HGS: variants seen among roughly 807,000 people sequenced by gnomAD.
HGS encodes the protein human growth factor-regulated tyrosine kinase substrate.
HGS carries 63 observed loss-of-function variants against 109.7 expected under a neutral mutation model. The observed-to-expected ratio is 0.57, with a 90% CI of 0.47 to 0.71. HGS has a LOEUF of 0.71. HGS is among the 30% of genes least tolerant of loss of function. The probability of loss-of-function intolerance (pLI) is 0.00; values close to 1 mark genes in which losing one functional copy is unlikely to be tolerated. For missense variants in HGS, 995 were observed against 1,068.3 expected (o/e 0.93, Z 0.96); for synonymous variants, 546 against 437.3 (o/e 1.25, Z -3.10).
intron 21 of HGS, 176 bp downstream of exon 21, chr17:81,701,307 A>T: frequency 1.3e-6 from 1 of 787,858 alleles, no homozygotes; most frequent in Non-Finnish European, 2.0e-6. Flanking sequence ...CTCAGGGCAG[A>T]TACGCGCATC....
chr17:81,695,359 C>T (rs2037129442), intron 14 of HGS, 136 bp downstream of exon 14: 3 of 831,640 alleles, frequency 3.6e-6, no homozygotes, highest in Non-Finnish European at 5.7e-6. Flanking sequence ...CCAGCCCTGG[C>T]CTGCCCTGCC....
At position 81,693,909 on chromosome 17, in the gene HGS, C is replaced by G. The variant is rs1302254864; in HGVS notation, c.880C>G (p.Pro294Ala). Reference sequence around the variant, plus strand: ...GTACACTTCGTACCCCAAGGCGGAGCCCATGCCCTCGGCCTCCTCAGCGCC... The same window carrying G: ...GTACACTTCGTACCCCAAGGCGGAGGCCATGCCCTCGGCCTCCTCAGCGCC... ...STYTSYPKAE[P>A]MPSASSAPPA... The change falls in exon 11 of 22, where the codon CCC (proline) becomes GCC (alanine). Residue 294 changes from proline to alanine, a missense_variant. This residue lies in a region of HGS where 300 missense variants were observed against 235.4 expected (regional missense o/e 1.27). Transcript: ENST00000329138. 2 of 1,611,704 alleles carry G rather than the reference C, an allele frequency of 1.2e-6. No homozygotes were observed. Among genetic ancestry groups the G allele is most frequent in the Middle Eastern group, 1.7e-4 (1 of 6,054 alleles).
chr17:81,684,155 C>T lies in HGS; in HGVS notation c.37+52C>T, dbSNP rs867309375. 5 of 1,441,212 alleles carry T rather than the reference C, an allele frequency of 3.5e-6. No individual in the cohort carries two copies. In the Middle Eastern group the frequency reaches 9.6e-4, roughly 277 times the overall value. The allele number at this position is 1,441,212 out of a possible 1,614,324, so 89.3% of individuals were successfully genotyped here. A position where few individuals can be genotyped will look rare whatever the true frequency, so the allele number is the denominator to read the frequency against. ...GCCTTGGTCAGCCCGCAGCCTCCGCCCGGCGCTGAGTCAGCGCGGCCCCGA... is the reference window on the plus strand; with the variant it reads ...GCCTTGGTCAGCCCGCAGCCTCCGCTCGGCGCTGAGTCAGCGCGGCCCCGA... On this transcript the variant is annotated intron_variant, in intron 1 of 21. Transcript: ENST00000329138.
chr17:81,691,943 G>C lies in HGS; in HGVS notation c.662+372G>C, dbSNP rs1182791404. 5.1e-6 allele frequency: 1 copy of C among 194,348 alleles called. No individual in the cohort carries two copies. Among genetic ancestry groups the C allele is most frequent in the Admixed American group, 5.3e-5 (1 of 18,718 alleles). The allele number at this position is 194,348 out of a possible 1,614,324, so 12.0% of individuals were successfully genotyped here. A position where few individuals can be genotyped will look rare whatever the true frequency, so the allele number is the denominator to read the frequency against. On this transcript the variant is annotated intron_variant, in intron 8 of 21. Transcript: ENST00000329138. The surrounding 1 kb of genome is among the most constrained non-coding windows in gnomAD (Gnocchi z 5.3). Reference sequence around the variant, plus strand: ...GTGCCTCAGCGGTGGGAACCTGCGGGGCCGCGGCCGGTGCCTCGGCGGTCG... The same window carrying C: ...GTGCCTCAGCGGTGGGAACCTGCGGCGCCGCGGCCGGTGCCTCGGCGGTCG...
rs756909575 is a variant in HGS at position 81,693,933 on chromosome 17, C to G, written c.904C>G (p.Pro302Ala). Residue 302 changes from proline (P) to alanine (A), a missense_variant, in exon 11 of 22, where the codon CCC becomes GCC. Physicochemically the swap from Pro to Ala is conservative, Grantham distance 27. This residue lies in a region of HGS where 300 missense variants were observed against 235.4 expected (regional missense o/e 1.27). Coordinates refer to ENST00000329138, the MANE Select transcript of HGS (RefSeq NM_004712.5). The part of the protein sequence containing the change: ...AEPMPSASSA[P>A]PASSLYSSPV... ...GCCCATGCCCTCGGCCTCCTCAGCG[C>G]CCCCCGCCAGCAGCCTGTACTCTTC... The G allele has an allele frequency of 1.2e-6, 2 of 1,610,908 alleles. No individual in the cohort carries two copies. The highest frequency in any genetic ancestry group is 2.7e-5 in the African/African-American group (2 of 74,896).
chr17:81,700,699 T>G lies in HGS; in HGVS notation c.2021T>G (p.Val674Gly). Reference sequence around the variant, plus strand: ...TGGCACTCATTCCCTCCGCAGAACGTGGCCTCCCAGGCCCCACAGAGCCTC... The same window carrying G: ...TGGCACTCATTCCCTCCGCAGAACGGGGCCTCCCAGGCCCCACAGAGCCTC... Reference protein sequence around the residue: ...QPTPTAGYQNVASQAPQSLPA... With the variant: ...QPTPTAGYQNGASQAPQSLPA... Residue 674 changes from valine (V) to glycine (G), a missense_variant, in exon 20 of 22, where the codon GTG becomes GGG. By Grantham distance (109) the Val-to-Gly change is moderately radical. Coordinates refer to ENST00000329138, the MANE Select transcript of HGS (RefSeq NM_004712.5). The G allele has an allele frequency of 6.2e-7, 1 of 1,607,450 alleles. No individual in the cohort carries two copies. Among genetic ancestry groups the G allele is most frequent in the Non-Finnish European group, 8.5e-7 (1 of 1,177,596 alleles).
chr17:81,700,104 C>T (rs1397143264), intron 18 of HGS, among the ~76,000 whole-genome samples: 1 of 151,466 alleles, frequency 6.6e-6, no homozygotes, highest in Non-Finnish European at 1.5e-5. Context: ...CGGTGGCTCA[C>T]GCCTGTAATC....
chr17:81,688,609 G>T, intron 4 of HGS, 95 bp from the exon 5 acceptor site: 1 of 1,492,364 alleles, frequency 6.7e-7, no homozygotes, highest in Non-Finnish European at 9.1e-7. Flanking sequence ...AGCCCCATCT[G>T]CTCAGAGGCT....
intron 2 of HGS, among the ~76,000 whole-genome samples, chr17:81,685,983 T>G (rs1437256187): frequency 6.6e-6 from 1 of 152,146 alleles, no homozygotes; most frequent in African/African-American, 2.4e-5. Context: ...CAGGCTGAAG[T>G]GCAGTGGCGT....
Position 81,688,603 on chromosome 17 carries a change from C to T in HGS, c.292-101C>T, listed in dbSNP as rs561329942. 22 of 1,446,148 alleles carry T rather than the reference C, an allele frequency of 1.5e-5. No homozygotes were observed. The African/African-American group carries it at 1.5e-4, about 10-fold the overall frequency. The allele number at this position is 1,446,148 out of a possible 1,614,324, so 89.6% of individuals were successfully genotyped here. A position where few individuals can be genotyped will look rare whatever the true frequency, so the allele number is the denominator to read the frequency against. ...GCCCTCCCTGGCCTCTGTGTCAGCC[C>T]CATCTGCTCAGAGGCTGAGGTCTGC... is the stretch of plus-strand genomic sequence containing the variant. On this transcript the variant is annotated intron_variant, in intron 4 of 21. Coordinates refer to ENST00000329138, the MANE Select transcript of HGS (RefSeq NM_004712.5).
In HGS at chr17:81,690,187, G is replaced by T. The variant is rs748852834; in HGVS notation, c.421G>T (p.Val141Phe). ...CTATGGCTTCATCTCTCCAGGGCAC[G>T]TCTTTCCAGAATTCAAAGAGAGCGA... ...TYQIMKVEGH[V>F]FPEFKESDAM... is the part of the protein sequence containing the mutation. Residue 141 changes from valine to phenylalanine, a missense_variant, in exon 6 of 22, where the codon GTC becomes TTC. By Grantham distance (50) the Val-to-Phe change is conservative. This residue lies in a region of HGS where 182 missense variants were observed against 261.3 expected (regional missense o/e 0.70). Coordinates refer to ENST00000329138, the MANE Select transcript of HGS (RefSeq NM_004712.5). The T allele has an allele frequency of 1.2e-6, 2 of 1,613,670 alleles. No individual in the cohort carries two copies. The highest frequency in any genetic ancestry group is 1.3e-5 in the African/African-American group (1 of 74,926).
intron 5 of HGS, among the ~76,000 whole-genome samples, chr17:81,689,915 C>T (rs1046894965): frequency 6.6e-6 from 1 of 152,218 alleles, no homozygotes; most frequent in African/African-American, 2.4e-5. Context: ...GGCGGGGCCA[C>T]GCAGGGGCCT....
chr17:81,688,145 T>C (rs956778498), intron 4 of HGS, among the ~76,000 whole-genome samples: 6 of 151,718 alleles, frequency 4.0e-5, no homozygotes, highest in African/African-American at 1.5e-4. Context: ...CACGCCGTCC[T>C]GCACGTCACA....
At chr17:81,690,304 G>A (rs2037043513) in intron 6 of HGS, 70 bp downstream of exon 6, 3 of 1,514,370 alleles carry the variant, frequency 2.0e-6, no homozygotes, top group Non-Finnish European at 1.8e-6. Context: ...AGTGCTGGGA[G>A]CCCGGCTTGT....
In HGS at chr17:81,695,196, TC is replaced by T. The variant is rs1391327010; in HGVS notation, c.1154del (p.Pro385LeufsTer25). 1 of 1,614,138 alleles carries T rather than the reference TC, an allele frequency of 6.2e-7. No individual in the cohort carries two copies. The highest frequency in any genetic ancestry group is 8.5e-7 in the Non-Finnish European group (1 of 1,179,992). On this transcript the variant is annotated frameshift_variant, in exon 14 of 22. Coordinates refer to ENST00000329138, the MANE Select transcript of HGS (RefSeq NM_004712.5). LOFTEE classifies it high-confidence loss of function. Reference protein sequence around the residue: ...PLPETDSQPIPPSGGPFSEPQ... With the variant: ...PLPETDSQPIXPSGGPFSEPQ... ...TCCCGGAGACAGACTCTCAGCCCAT[TC>T]CTCCCTCTGGTGGCCCCTTTAGTGA...
Position 81,696,915 on chromosome 17 carries a change from A to C in HGS, c.1799A>C (p.Glu600Ala). ...ACCTTCAGCCCTGCCGGCTCGGTGG[A>C]GGGCTCCCCAATGCACGGCGTGTAC... ...PSTFSPAGSV[E>A]GSPMHGVYMS... Residue 600 changes from glutamate to alanine, a missense_variant, in exon 18 of 22, where the codon GAG becomes GCG. Around this residue, in one of 6 missense-constraint regions of HGS, gnomAD observed 326 missense variants for 309.7 expected, o/e 1.05. Coordinates refer to ENST00000329138, the MANE Select transcript of HGS (RefSeq NM_004712.5). 6.2e-7 allele frequency: 1 copy of C among 1,608,410 alleles called. No homozygotes were observed. The highest frequency in any genetic ancestry group is 8.5e-7 in the Non-Finnish European group (1 of 1,179,768).
chr17:81,693,653 G>C lies in HGS; in HGVS notation c.742-1G>C, dbSNP rs747949442. ...CCCTCACCCTCCCCGCTTGTCCTCA[G>C]CTGCCCCCCAAGAGGGACGAGACGG... On this transcript the variant is annotated splice_acceptor_variant, in intron 9 of 21. Coordinates refer to ENST00000329138, the MANE Select transcript of HGS (RefSeq NM_004712.5). LOFTEE classifies it high-confidence loss of function. 89 of 1,548,462 alleles carry C rather than the reference G, an allele frequency of 5.7e-5. No homozygotes were observed. Among genetic ancestry groups the C allele is most frequent in the Non-Finnish European group, 7.2e-5 (82 of 1,144,132 alleles).
intron 10 of HGS, 41 bp downstream of exon 10, chr17:81,693,793 C>T: frequency 6.5e-7 from 1 of 1,545,920 alleles, no homozygotes. Flanking sequence ...AGGGGCCCAG[C>T]TCCCCTGGAT....
At chr17:81,685,760 G>T (rs572759955) in intron 2 of HGS, 71 bp downstream of exon 2, 3 of 1,180,952 alleles carry the variant, frequency 2.5e-6, no homozygotes, top group African/African-American at 1.5e-5. Flanking sequence ...CTTGGTGCCC[G>T]TTGGGTCTCC....
Sources: allele counts gnomAD v4.1 joint callset (sites outside exome capture counted in the v4.1 genomes callset), GRCh38; gene constraint gnomAD v4.1.1; regional missense constraint gnomAD v4.1.1; non-coding constraint Gnocchi (gnomAD v3.1); transcripts MANE v1.5; gene names NCBI Gene and HGNC (gene_info 2026-07-23, HGNC 2026-07-21).